Variants in SZT2 observed in about 807,000 individuals in gnomAD.
SZT2 encodes the protein SZT2 subunit of KICSTOR complex.
SZT2 carries 216 observed loss-of-function variants against 404.2 expected under a neutral mutation model. The ratio of observed to expected loss-of-function variants is 0.53; its 90% CI spans 0.48 to 0.60. The LOEUF is 0.60. Ranked by LOEUF, SZT2 falls within the 20% of genes least tolerant of loss-of-function variation. The pLI, the probability that SZT2 is intolerant of heterozygous loss-of-function variation, is 0.00. For missense variants in SZT2, 3,857 were observed against 4,459.2 expected, an observed-to-expected ratio of 0.86 and a Z score of 3.85; for synonymous variants, 1,693 against 1,749.9, an observed-to-expected ratio of 0.97 and a Z score of 0.81.
In SZT2 at chr1:43,451,427, C is replaced by A; in HGVS notation, c.*947C>A. 1.2e-6 allele frequency: 2 copies of A among 1,613,346 alleles called. No homozygotes were observed. The highest frequency in any genetic ancestry group is 4.5e-5 in the East Asian group (2 of 44,878). ...CGCCTCACCTCGAGGCTGATACTCA[C>A]AGCCCACGAAGCCTTTGTAGCCTTC... On this transcript the variant is annotated 3_prime_UTR_variant, in exon 72 of 72. Coordinates refer to ENST00000634258, the MANE Select transcript of SZT2 (RefSeq NM_001365999.1).
intron 1 of SZT2, among the ~76,000 whole-genome samples, chr1:43,397,315 T>G (rs957502480): frequency 1.3e-5 from 2 of 150,996 alleles, no homozygotes; most frequent in African/African-American, 4.9e-5. Context: ...TAGTCCCAGC[T>G]ACTGAGGAGC....
chr1:43,392,176 A>T (rs989201297), intron 1 of SZT2, among the ~76,000 whole-genome samples: 1 of 151,884 alleles, frequency 6.6e-6, no homozygotes, highest in African/African-American at 2.4e-5. Flanking sequence ...CAAAACTCCC[A>T]AAATTTTCAA....
chr1:43,419,645 C>A, intron 7 of SZT2, 89 bp from the exon 8 acceptor site: 1 of 1,084,858 alleles, frequency 9.2e-7, no homozygotes, highest in Non-Finnish European at 1.3e-6. Flanking sequence ...GGAATGGGAG[C>A]AGCCACCTAG....
rs1234524018 is a variant in SZT2 at position 43,403,056 on chromosome 1, TCTG to T, written c.28-117_28-115del. On this transcript the variant is annotated intron_variant, in intron 1 of 71. Transcript: ENST00000634258. Reference sequence around the variant, plus strand: ...TGGAGGTTGGGGTAAACTTTTCACTTCTGCTGTTTTCCCTCTCATTGATGGTGA... The same window carrying T: ...TGGAGGTTGGGGTAAACTTTTCACTTCTGTTTTCCCTCTCATTGATGGTGA... The T allele has an allele frequency of 2.1e-5, 23 of 1,075,978 alleles. No individual in the cohort carries two copies. The Admixed American group carries it at 3.0e-4, about 14-fold the overall frequency. The allele number at this position is 1,075,978 out of a possible 1,614,324, so 66.7% of individuals were successfully genotyped here.
rs775153972 is a variant in SZT2 at position 43,430,045 on chromosome 1, G to A, written c.4343G>A (p.Arg1448His). Residue 1448 changes from arginine to histidine, a missense_variant, in exon 30 of 72, where the codon CGC becomes CAC. By Grantham distance (29) the Arg-to-His change is conservative (BLOSUM62 0). Around this residue, in one of 7 missense-constraint regions of SZT2, gnomAD observed 1,725 missense variants for 1,881.0 expected, o/e 0.92. Coordinates refer to ENST00000634258, the MANE Select transcript of SZT2 (RefSeq NM_001365999.1). ...CTAGAGATCAGTCGTCTCCACTTCC[G>A]CACAGTGCCTTCCAATCCCCACTAC... ...KFLEISRLHFRTVPSNPHYFF... is the reference protein window; with the variant it reads ...KFLEISRLHFHTVPSNPHYFF... 60 of 1,613,936 alleles carry A rather than the reference G, an allele frequency of 3.7e-5. No individual in the cohort carries two copies. The highest frequency in any genetic ancestry group is 5.0e-5 in the Admixed American group (3 of 60,000).
In SZT2 at chr1:43,453,962, C is replaced by T. The variant is rs566362216; in HGVS notation, c.*3482C>T. On this transcript the variant is annotated 3_prime_UTR_variant, in exon 72 of 72. Coordinates refer to ENST00000634258, the MANE Select transcript of SZT2 (RefSeq NM_001365999.1). ...TAAAAACCCGGGCCTTCACGAAAAGCGCCTACGGTTAGCGAGAGAGGGATC... is the reference window on the plus strand; with the variant it reads ...TAAAAACCCGGGCCTTCACGAAAAGTGCCTACGGTTAGCGAGAGAGGGATC... 4 of 1,195,596 alleles carry T rather than the reference C, an allele frequency of 3.3e-6. No individual in the cohort carries two copies. The highest frequency in any genetic ancestry group is 8.3e-5 in the South Asian group (2 of 24,124). 74.1% of individuals were successfully genotyped at this position (1,195,596 alleles called of 1,614,324 possible).
intron 63 of SZT2, 34 bp from the exon 64 acceptor site, chr1:43,446,145 C>G: frequency 6.2e-7 from 1 of 1,612,494 alleles, no homozygotes; most frequent in Non-Finnish European, 8.5e-7. Context: ...GGCTGGTGAG[C>G]CCCCAAACCT....
chr1:43,392,572 G>T (rs1648527644), intron 1 of SZT2, among the ~76,000 whole-genome samples: 1 of 152,136 alleles, frequency 6.6e-6, no homozygotes, highest in South Asian at 2.1e-4. Flanking sequence ...CTGCTACCAT[G>T]CCCTGCTAAC....
chr1:43,421,113 G>C (rs1652307446), intron 10 of SZT2, 61 bp from the exon 11 acceptor site: 1 of 1,596,626 alleles, frequency 6.3e-7, no homozygotes, highest in African/African-American at 1.3e-5. Flanking sequence ...TCCCCCTAAG[G>C]CTCCCCTCAT....
chr1:43,427,775 T>C (rs1170074671), intron 26 of SZT2, 41 bp downstream of exon 26: 1 of 1,600,366 alleles, frequency 6.2e-7, no homozygotes, highest in Non-Finnish European at 8.5e-7. Flanking sequence ...CGCCGGGCCA[T>C]GGCTCCCAGC....
chr1:43,451,975 G>A lies in SZT2; in HGVS notation c.*1495G>A, dbSNP rs1295988230. ...CCAGGAAGTACTGGGGGTCAGTGAT[G>A]CGGGTGTTGATGGGCTCCAGCAGTC... On this transcript the variant is annotated 3_prime_UTR_variant, in exon 72 of 72. Transcript: ENST00000634258. 6.2e-7 allele frequency: 1 copy of A among 1,611,616 alleles called. No homozygotes were observed. The highest frequency in any genetic ancestry group is 1.1e-5 in the South Asian group (1 of 90,922).
chr1:43,400,599 T>C (rs945803267), intron 1 of SZT2, among the ~76,000 whole-genome samples: 12 of 152,186 alleles, frequency 7.9e-5, no homozygotes, highest in Admixed American at 7.9e-4. Context: ...AGGGCAGGCG[T>C]GGTGGCTCAC....
In SZT2 at chr1:43,434,549, T is replaced by C. The variant is rs150576638; in HGVS notation, c.5904+64T>C. 1.0e-5 allele frequency: 14 copies of C among 1,392,736 alleles called. No homozygotes were observed. In the South Asian group the frequency reaches 1.4e-4, roughly 14 times the overall value. 86.3% of individuals were successfully genotyped at this position (1,392,736 alleles called of 1,614,324 possible). A position where few individuals can be genotyped will look rare whatever the true frequency, so the allele number is the denominator to read the frequency against. ...AGATGAGAACCAAATTTCTAAGAAC[T>C]TGATTTTCAGAGGCTATTGGTCCAT... On this transcript the variant is annotated intron_variant, in intron 41 of 71. Coordinates refer to ENST00000634258, the MANE Select transcript of SZT2 (RefSeq NM_001365999.1).
Position 43,430,957 on chromosome 1 carries a change from C to G in SZT2, c.4783C>G (p.Leu1595Val). 6.2e-7 allele frequency: 1 copy of G among 1,613,150 alleles called. No homozygotes were observed. Among genetic ancestry groups the G allele is most frequent in the East Asian group, 2.2e-5 (1 of 44,878 alleles). ...CTTTCCCCCTCTCCCAGGCCAGGTG[C>G]TTTCCAGTCTGGAGGGCCCCCCAGT... ...CSLPTCLGQVLSSLEGPPVGG... is the reference protein window; with the variant it reads ...CSLPTCLGQVVSSLEGPPVGG... Residue 1595 changes from leucine (L) to valine (V), a missense_variant, in exon 33 of 72, where the codon CTT becomes GTT. By Grantham distance (32) the Leu-to-Val change is conservative. Coordinates refer to ENST00000634258, the MANE Select transcript of SZT2 (RefSeq NM_001365999.1).
At chr1:43,434,976 C>T (rs1368723394) in intron 41 of SZT2, among the ~76,000 whole-genome samples, 1 of 152,176 alleles carries the variant, frequency 6.6e-6, no homozygotes, top group African/African-American at 2.4e-5. Flanking sequence ...AGCTGAGACT[C>T]GACGGATGGT....
chr1:43,408,276 G>A (rs867216909), intron 4 of SZT2, among the ~76,000 whole-genome samples: 1 of 150,410 alleles, frequency 6.6e-6, no homozygotes, highest in Non-Finnish European at 1.5e-5. Flanking sequence ...TTTTTGTTTT[G>A]TTTAAGAGAC....
Position 43,403,650 on chromosome 1 carries a change from G to A in SZT2, c.203G>A (p.Trp68Ter), listed in dbSNP as rs773684718. Residue 68 changes from tryptophan (W) to a stop codon, truncating the protein, a stop_gained, in exon 3 of 72, where the codon TGG becomes TAG. Transcript: ENST00000634258. LOFTEE classifies it high-confidence loss of function. ...LEVLSVLPPGWQPDEPVVPRP... is the reference protein window; with the variant it reads ...LEVLSVLPPG ...GTCCTCAGTGTCCTGCCCCCTGGGT[G>A]GCAGCCAGATGAACCAGTGGTCCCA... is the stretch of plus-strand genomic sequence containing the variant. The A allele has an allele frequency of 5.6e-6, 9 of 1,614,154 alleles. No individual in the cohort carries two copies. In the South Asian group the frequency reaches 9.9e-5, roughly 18 times the overall value.
chr1:43,445,348 T>A (rs1655541518), intron 62 of SZT2: 1 of 153,524 alleles, frequency 6.5e-6, no homozygotes, highest in Non-Finnish European at 1.5e-5. Context: ...ATTCTGGCAG[T>A]TTATAGCCCC....
At chr1:43,449,975 T>C (rs762999494) in intron 70 of SZT2, 128 bp from the exon 71 acceptor site, 4 of 1,097,518 alleles carry the variant, frequency 3.6e-6, no homozygotes, top group African/African-American at 1.5e-5. Flanking sequence ...CGGTCCTATG[T>C]GACCTCAGGG....
Sources: gnomAD v4.1 joint callset for allele counts (sites outside exome capture counted in the v4.1 genomes callset) on GRCh38, gnomAD v4.1.1 for gene constraint, gnomAD v4.1.1 regional missense constraint, MANE v1.5 for transcripts, NCBI Gene and HGNC (gene_info 2026-07-23, HGNC 2026-07-21) for gene names.